Variants in TPD52 observed in about 807,000 individuals in gnomAD.
The protein encoded by TPD52 is tumor protein D52.
Under a neutral mutation model 31.3 loss-of-function variants are expected in TPD52, and 17 were observed. That is an observed-to-expected ratio of 0.54 (90% confidence interval 0.37 to 0.82). The LOEUF is 0.82. TPD52 is among the 40% of genes least tolerant of loss of function. The pLI is 0.00. For missense variants in TPD52, 212 were observed against 240.1 expected (o/e 0.88, Z 0.77); for synonymous variants, 83 against 89.6 (o/e 0.93, Z 0.42).
At chr8:80,138,232 C>T (rs762509684) in intron 1 of TPD52, among the ~76,000 whole-genome samples, 1 of 152,122 alleles carries the variant, frequency 6.6e-6, no homozygotes, top group Non-Finnish European at 1.5e-5. Context: ...CATGAGCCAC[C>T]GCGCCTGACC....
At chr8:80,121,485 C>T (rs1352998195) in intron 1 of TPD52, among the ~76,000 whole-genome samples, 1 of 152,166 alleles carries the variant, frequency 6.6e-6, no homozygotes, top group Admixed American at 6.5e-5. Flanking sequence ...TTACTTAATG[C>T]AGCCATTAAT....
chr8:80,149,800 G>C (rs1810449717), intron 1 of TPD52, among the ~76,000 whole-genome samples: 1 of 152,116 alleles, frequency 6.6e-6, no homozygotes, highest in Admixed American at 6.5e-5. Flanking sequence ...GAGATGATTT[G>C]GGGTATCTGG....
chr8:80,078,050 G>A (rs1250329166), intron 1 of TPD52, among the ~76,000 whole-genome samples: 1 of 152,202 alleles, frequency 6.6e-6, no homozygotes, highest in Non-Finnish European at 1.5e-5. Flanking sequence ...TATTTGTGAG[G>A]ATTGCAGGTA....
chr8:80,047,698 C>A (rs1236836281), intron 5 of TPD52, among the ~76,000 whole-genome samples: 1 of 152,138 alleles, frequency 6.6e-6, no homozygotes, highest in Non-Finnish European at 1.5e-5. Flanking sequence ...AAAAGATATT[C>A]TTTTTCTGAC....
chr8:80,087,519 C>A (rs1286691612), intron 1 of TPD52, among the ~76,000 whole-genome samples: 1 of 152,234 alleles, frequency 6.6e-6, no homozygotes, highest in Non-Finnish European at 1.5e-5. Flanking sequence ...AAGAACTCCT[C>A]TGCCTTAGAT....
intron 1 of TPD52, among the ~76,000 whole-genome samples, chr8:80,121,206 C>G (rs1808237013): frequency 6.6e-6 from 1 of 151,978 alleles, no homozygotes; most frequent in Admixed American, 6.6e-5. Context: ...CGTCAAAAGT[C>G]AACACTCTAA....
At chr8:80,130,999 G>A (rs1808979246) in intron 1 of TPD52, among the ~76,000 whole-genome samples, 1 of 152,214 alleles carries the variant, frequency 6.6e-6, no homozygotes. Flanking sequence ...CAAGTGCATA[G>A]GGTAATTTTT....
At chr8:80,110,234 A>G (rs1441078364) in intron 1 of TPD52, among the ~76,000 whole-genome samples, 1 of 152,210 alleles carries the variant, frequency 6.6e-6, no homozygotes, top group African/African-American at 2.4e-5. Flanking sequence ...TAAGTCTCTC[A>G]GTATTATCCT....
chr8:80,073,591 GCA>G (rs1814179926), intron 1 of TPD52, among the ~76,000 whole-genome samples: 1 of 152,198 alleles, frequency 6.6e-6, no homozygotes, highest in African/African-American at 2.4e-5. Flanking sequence ...GATCTCTGAT[GCA>G]CAGTGTCTGG....
chr8:80,042,716 A>C (rs1367067860), intron 6 of TPD52, 48 bp from the exon 7 acceptor site: 1 of 1,534,530 alleles, frequency 6.5e-7, no homozygotes, highest in Non-Finnish European at 8.9e-7. Context: ...TACTGAAAAA[A>C]AATCCAACTA....
At chr8:80,069,690 TTAAC>T (rs1325327585) in intron 1 of TPD52, among the ~76,000 whole-genome samples, 1 of 152,200 alleles carries the variant, frequency 6.6e-6, no homozygotes, top group African/African-American at 2.4e-5. Flanking sequence ...TTTTTTTAGT[TTAAC>T]TATTAGCATA....
At chr8:80,152,788 A>G (rs1167174843) in intron 1 of TPD52, among the ~76,000 whole-genome samples, 1 of 151,060 alleles carries the variant, frequency 6.6e-6, no homozygotes, top group Non-Finnish European at 1.5e-5. Context: ...CTCAAAAAAA[A>G]AAAAAAAAAA....
chr8:80,154,905 G>C (rs1378269178), intron 1 of TPD52, among the ~76,000 whole-genome samples: 1 of 151,956 alleles, frequency 6.6e-6, no homozygotes, highest in African/African-American at 2.4e-5. Context: ...ATGATGATCT[G>C]TGATGAGAGA....
chr8:80,137,682 T>C (rs1002059358), intron 1 of TPD52, among the ~76,000 whole-genome samples: 2 of 152,212 alleles, frequency 1.3e-5, no homozygotes, highest in African/African-American at 4.8e-5. Context: ...GAAAATAAGA[T>C]GGGTGGAAGC....
chr8:80,062,544 C>T (rs868337023), intron 2 of TPD52, among the ~76,000 whole-genome samples: 2 of 152,086 alleles, frequency 1.3e-5, no homozygotes, highest in Non-Finnish European at 2.9e-5. Flanking sequence ...CACTTCACAC[C>T]CACTAGGACT....
At position 80,171,471 on chromosome 8, in the gene TPD52, T is replaced by G. The variant is rs1048106666; in HGVS notation, c.-28A>C. 2 of 1,569,598 alleles carry G rather than the reference T, an allele frequency of 1.3e-6. No homozygotes were observed. The highest frequency in any genetic ancestry group is 2.5e-5 in the East Asian group (1 of 40,750). On this transcript the variant is annotated 5_prime_UTR_variant, in exon 1 of 8. Coordinates refer to ENST00000518937, the MANE Select transcript of TPD52 (RefSeq NM_001025253.3). ...CTCCAGCCCGCCGCCTCGTGTCCTC[T>G]GCAGCACCCCCGCCTGCAGCCCGTC...
intron 5 of TPD52, among the ~76,000 whole-genome samples, chr8:80,048,782 C>T (rs1281266012): frequency 1.3e-5 from 2 of 152,206 alleles, no homozygotes; most frequent in Non-Finnish European, 2.9e-5. Flanking sequence ...AAGATAATCT[C>T]ATTTCTTTCA....
chr8:80,102,982 T>C (rs1294732891), intron 1 of TPD52, among the ~76,000 whole-genome samples: 1 of 152,230 alleles, frequency 6.6e-6, no homozygotes, highest in Non-Finnish European at 1.5e-5. Context: ...GAGAACGGCA[T>C]GCTCAAAGGA....
chr8:80,140,388 T>G (rs1809746573), intron 1 of TPD52, among the ~76,000 whole-genome samples: 2 of 152,214 alleles, frequency 1.3e-5, no homozygotes, highest in African/African-American at 4.8e-5. Flanking sequence ...CCGGAACCAC[T>G]GGGAACACCA....
Sources: gnomAD v4.1 joint callset for allele counts (sites outside exome capture counted in the v4.1 genomes callset) on GRCh38, gnomAD v4.1.1 for gene constraint, MANE v1.5 for transcripts, NCBI Gene and HGNC (gene_info 2026-07-23, HGNC 2026-07-21) for gene names.